CRADD: variants seen among roughly 807,000 people sequenced by gnomAD.
CRADD encodes the protein death domain-containing protein CRADD.
A neutral mutation model predicts 15.5 loss-of-function variants in CRADD; 9 were observed. The ratio of observed to expected loss-of-function variants is 0.58; its 90% CI spans 0.35 to 1.01. The LOEUF (loss-of-function observed/expected upper bound fraction) is 1.01, where lower values mean the gene tolerates loss of function less well. CRADD is among the 50% of genes least tolerant of loss of function. The probability of loss-of-function intolerance (pLI) is 0.02; values close to 1 mark genes in which losing one functional copy is unlikely to be tolerated. For missense variants in CRADD, 227 were observed against 250.3 expected (o/e 0.91, Z 0.63); for synonymous variants, 118 against 107.6 (o/e 1.10, Z -0.60).
downstream of CRADD, among the ~76,000 whole-genome samples, chr12:93,854,714 C>T (rs1179669473): frequency 1.3e-5 from 2 of 152,164 alleles, no homozygotes; most frequent in African/African-American, 2.4e-5. Flanking sequence ...ACAGAATGCA[C>T]ATCCTTTGCC....
intron 2 of CRADD, among the ~76,000 whole-genome samples, chr12:93,711,055 C>CCCCCCCCTCT: frequency 2.3e-5 from 1 of 43,508 alleles, no homozygotes; most frequent in African/African-American, 8.5e-5. Flanking sequence ...CCACCCCCGC[C>CCCCCCCCTCT]TTTTTTTTTT....
At chr12:93,782,702 T>A (rs1031555866) in intron 2 of CRADD, among the ~76,000 whole-genome samples, 6 of 152,204 alleles carry the variant, frequency 3.9e-5, no homozygotes, top group African/African-American at 1.2e-4. Flanking sequence ...CCTTTTTTTT[T>A]AAACAGGCAA....
intron 2 of CRADD, among the ~76,000 whole-genome samples, chr12:93,750,029 A>G (rs1250163963): frequency 2.0e-5 from 3 of 152,192 alleles, no homozygotes; most frequent in African/African-American, 7.2e-5. Context: ...ATGCAGACTA[A>G]TACATTATGT....
At chr12:93,739,303 T>C (rs1956633243) in intron 2 of CRADD, among the ~76,000 whole-genome samples, 1 of 150,746 alleles carries the variant, frequency 6.6e-6, no homozygotes, top group Non-Finnish European at 1.5e-5. Flanking sequence ...CCAATACAGA[T>C]ATGAGGTTGG....
chr12:93,757,527 C>T (rs1346213070), intron 2 of CRADD, among the ~76,000 whole-genome samples: 1 of 152,244 alleles, frequency 6.6e-6, no homozygotes, highest in Non-Finnish European at 1.5e-5. Context: ...CTCAGCAGTG[C>T]TCTGGAAAAT....
chr12:93,854,558 G>A (rs1958255904), downstream of CRADD, among the ~76,000 whole-genome samples: 1 of 152,192 alleles, frequency 6.6e-6, no homozygotes, highest in African/African-American at 2.4e-5. Flanking sequence ...TCCGTTTCGT[G>A]CAATCCACCA....
intron 2 of CRADD, among the ~76,000 whole-genome samples, chr12:93,680,665 T>G (rs1453925870): frequency 6.6e-6 from 1 of 152,170 alleles, no homozygotes; most frequent in Non-Finnish European, 1.5e-5. Context: ...TTTTATGACT[T>G]TATTGAAAGC....
At chr12:93,876,355 A>G (rs1958457680) in intron 2 of CRADD, among the ~76,000 whole-genome samples, 1 of 152,056 alleles carries the variant, frequency 6.6e-6, no homozygotes, top group Admixed American at 6.6e-5. Context: ...GAATGTTGAT[A>G]CCTTTCTCTA....
chr12:93,817,485 T>A (rs1175501758), intron 2 of CRADD, among the ~76,000 whole-genome samples: 2 of 152,100 alleles, frequency 1.3e-5, no homozygotes, highest in Non-Finnish European at 2.9e-5. Context: ...GTTAAGCAAC[T>A]CCTCCAAGGT....
intron 2 of CRADD, among the ~76,000 whole-genome samples, chr12:93,752,565 T>C (rs73361586): frequency 1.4e-4 from 22 of 152,340 alleles, no homozygotes; most frequent in African/African-American, 4.6e-4. Context: ...CTTTTACTTA[T>C]CTTGGGTAAA....
At chr12:93,842,022 T>G (rs377708843) in intron 2 of CRADD, among the ~76,000 whole-genome samples, 14 of 152,302 alleles carry the variant, frequency 9.2e-5, no homozygotes, top group African/African-American at 3.1e-4. Flanking sequence ...GCTTACAACA[T>G]CTCCTCTCAT....
chr12:93,718,332 C>T (rs934151328), intron 2 of CRADD, among the ~76,000 whole-genome samples: 5 of 152,142 alleles, frequency 3.3e-5, no homozygotes, highest in Non-Finnish European at 5.9e-5. Flanking sequence ...TGGTTTCTTT[C>T]ACCAGTTTTG....
At chr12:93,816,383 A>ATTTTTTTTTTTTTTTTT (rs61294048) in intron 2 of CRADD, among the ~76,000 whole-genome samples, 2 of 122,112 alleles carry the variant, frequency 1.6e-5, no homozygotes, top group Admixed American at 8.6e-5. Context: ...TGCCTGGCTA[A>ATTTTTTTTTTTTTTTTT]TTTTTTTTTT....
intron 2 of CRADD, among the ~76,000 whole-genome samples, chr12:93,865,329 C>G (rs1166531990): frequency 6.6e-6 from 1 of 152,188 alleles, no homozygotes; most frequent in African/African-American, 2.4e-5. Flanking sequence ...TGTTCCAAGA[C>G]CTCTGCAGAA....
chr12:93,877,788 C>T (rs1452713148), intron 2 of CRADD, among the ~76,000 whole-genome samples: 1 of 152,112 alleles, frequency 6.6e-6, no homozygotes, highest in Non-Finnish European at 1.5e-5. Flanking sequence ...GAAATGCCAT[C>T]CAAGAGTCAA....
intron 1 of CRADD, chr12:93,677,952 A>G (rs1955197741): frequency 6.6e-6 from 1 of 152,416 alleles, no homozygotes; most frequent in Non-Finnish European, 1.5e-5. Flanking sequence ...CTTACACACA[A>G]CCAAGCCACA....
intron 2 of CRADD, among the ~76,000 whole-genome samples, chr12:93,797,000 C>G (rs564867712): frequency 6.6e-6 from 1 of 152,300 alleles, no homozygotes; most frequent in Admixed American, 6.5e-5. Context: ...CTGGGACCAA[C>G]CCCTCCTCTT....
At chr12:93,709,960 A>G (rs554015105) in intron 2 of CRADD, among the ~76,000 whole-genome samples, 7 of 152,312 alleles carry the variant, frequency 4.6e-5, no homozygotes, top group African/African-American at 1.7e-4. Context: ...TCTCCTGCTC[A>G]TATTTCTGTC....
intron 2 of CRADD, among the ~76,000 whole-genome samples, chr12:93,768,379 A>G (rs756848773): frequency 6.6e-6 from 1 of 152,200 alleles, no homozygotes; most frequent in Non-Finnish European, 1.5e-5. Flanking sequence ...AATAGAGAAG[A>G]AGATGGATTA....
Sources: gnomAD v4.1 joint callset for allele counts (sites outside exome capture counted in the v4.1 genomes callset) on GRCh38, gnomAD v4.1.1 for gene constraint, MANE v1.5 for transcripts, NCBI Gene and HGNC (gene_info 2026-07-23, HGNC 2026-07-21) for gene names.